The following ST3GAL2 variants were observed in gnomAD, a reference collection of about 807,000 sequenced individuals.
ST3GAL2 encodes ST3 beta-galactoside alpha-2,3-sialyltransferase 2.
In ST3GAL2, 16 loss-of-function variants were observed where a neutral mutation model predicts 37.5. That is an observed-to-expected ratio of 0.43 (90% CI 0.29 to 0.65). The LOEUF (loss-of-function observed/expected upper bound fraction) is 0.65, where lower values mean the gene tolerates loss of function less well. ST3GAL2 is among the 30% of genes least tolerant of loss of function. The pLI is 0.17. For synonymous variants in ST3GAL2, 238 were observed against 202.9 expected (o/e 1.17, Z -1.47); for missense variants, 383 against 487.8 (o/e 0.79, Z 2.02).
chr16:70,398,514 C>T lies in ST3GAL2; in HGVS notation c.17G>A (p.Arg6Gln), dbSNP rs1280352761. 9 of 1,606,700 alleles carry T rather than the reference C, an allele frequency of 5.6e-6. No homozygotes were observed. The highest frequency in any genetic ancestry group is 2.2e-5 in the East Asian group (1 of 44,628). Reference sequence around the variant, plus strand: ...GAAGGCCACGGAGAGGAACCACACCCGCAGGGAGCACTTCATGGTGCCGGC... The same window carrying T: ...GAAGGCCACGGAGAGGAACCACACCTGCAGGGAGCACTTCATGGTGCCGGC... MKCSL[R>Q]VWFLSVAFLL... Residue 6 changes from arginine to glutamine, a missense_variant, in exon 2 of 7, where the codon CGG becomes CAG. Transcript: ENST00000342907.
At chr16:70,438,632 C>A (rs931729118) in intron 1 of ST3GAL2, among the ~76,000 whole-genome samples, 8 of 145,234 alleles carry the variant, frequency 5.5e-5, no homozygotes, top group Non-Finnish European at 1.1e-4. Flanking sequence ...GGGACCAGGG[C>A]AGAGAGCTCT....
chr16:70,418,481 G>C (rs771151841), intron 1 of ST3GAL2, among the ~76,000 whole-genome samples: 24 of 152,170 alleles, frequency 1.6e-4, no homozygotes, highest in Non-Finnish European at 2.9e-4. Context: ...AGGCGGAGCT[G>C]GTGACAGGAA....
At chr16:70,433,166 C>G (rs1483748125) in intron 1 of ST3GAL2, among the ~76,000 whole-genome samples, 2 of 152,250 alleles carry the variant, frequency 1.3e-5, no homozygotes, top group Non-Finnish European at 2.9e-5. Context: ...CCCAGCCCAT[C>G]AGTGTCTGCT....
In ST3GAL2 at chr16:70,399,496, C is replaced by T; in HGVS notation, c.-966G>A. The stretch of plus-strand genomic sequence containing the variant: ...TCACAGTAATCCCCTGGCAGGTTCC[C>T]CTTCACATGTCGGGCGCCAGGCTGC... On this transcript the variant is annotated 5_prime_UTR_variant, in exon 2 of 7. Transcript: ENST00000342907. 2.5e-6 allele frequency: 1 copy of T among 398,570 alleles called. No individual in the cohort carries two copies. The highest frequency in any genetic ancestry group is 4.4e-6 in the Non-Finnish European group (1 of 226,172). The allele number at this position is 398,570 out of a possible 1,614,324, so 24.7% of individuals were successfully genotyped here.
Position 70,399,198 on chromosome 16 carries a change from C to CCCTT in ST3GAL2, c.-672_-669dup, listed in dbSNP as rs1173919468. On this transcript the variant is annotated 5_prime_UTR_variant, in exon 2 of 7. The change abolishes the stop of an existing upstream ORF in the 5' untranslated region. Transcript: ENST00000342907. The stretch of plus-strand genomic sequence containing the variant: ...GAGATCCTTTCCGCAGTAGGTCTTG[C>CCCTT]CCTTCTGCTTCCCATCTGAGGTGCT... The CCCTT allele has an allele frequency of 2.5e-6, 1 of 398,748 alleles. No homozygotes were observed. The highest frequency in any genetic ancestry group is 4.4e-6 in the Non-Finnish European group (1 of 226,256). The allele number at this position is 398,748 out of a possible 1,614,324, so 24.7% of individuals were successfully genotyped here.
chr16:70,423,188 A>T (rs994985890), intron 1 of ST3GAL2: 2 of 152,234 alleles, frequency 1.3e-5, no homozygotes, highest in African/African-American at 4.8e-5. Context: ...CCGGGCCATT[A>T]AGAGGAAGGG....
intron 3 of ST3GAL2, among the ~76,000 whole-genome samples, chr16:70,392,775 C>G (rs1360442539): frequency 6.6e-6 from 1 of 152,148 alleles, no homozygotes; most frequent in Non-Finnish European, 1.5e-5. Context: ...TGGAGTCACC[C>G]CCAGTGCCAT....
At chr16:70,438,001 A>C (rs1390525604) in intron 1 of ST3GAL2, among the ~76,000 whole-genome samples, 2 of 152,054 alleles carry the variant, frequency 1.3e-5, no homozygotes, top group Non-Finnish European at 2.9e-5. Flanking sequence ...TTTCTCCAAC[A>C]CCACCTTTGA....
intron 1 of ST3GAL2, among the ~76,000 whole-genome samples, chr16:70,419,599 G>A (rs916799468): frequency 6.6e-6 from 1 of 152,200 alleles, no homozygotes; most frequent in Non-Finnish European, 1.5e-5. Flanking sequence ...CTAAGCCCCT[G>A]AGAATGCTGT....
intron 1 of ST3GAL2, among the ~76,000 whole-genome samples, chr16:70,438,366 C>A (rs1481800961): frequency 6.6e-6 from 1 of 152,200 alleles, no homozygotes; most frequent in Non-Finnish European, 1.5e-5. Context: ...CTCCACGGGA[C>A]TGGCGCTTTG....
intron 1 of ST3GAL2, among the ~76,000 whole-genome samples, chr16:70,433,661 G>A (rs1249743017): frequency 1.3e-5 from 2 of 152,106 alleles, no homozygotes; most frequent in African/African-American, 2.4e-5. Context: ...TGGCAACAGC[G>A]GTTCCCTGAA....
intron 3 of ST3GAL2, among the ~76,000 whole-genome samples, chr16:70,389,907 C>A (rs945405038): frequency 1.1e-4 from 16 of 152,158 alleles, no homozygotes; most frequent in African/African-American, 3.6e-4. Flanking sequence ...CTGCCTCAGC[C>A]TCCCAAGTAG....
At chr16:70,410,319 C>T (rs370365564) in intron 1 of ST3GAL2, among the ~76,000 whole-genome samples, 2 of 122,698 alleles carry the variant, frequency 1.6e-5, no homozygotes, top group Admixed American at 1.0e-4. Flanking sequence ...GGCTTGATCT[C>T]GGCTCACTGC....
At chr16:70,394,376 T>C (rs1049152682) in intron 3 of ST3GAL2, among the ~76,000 whole-genome samples, 2 of 152,148 alleles carry the variant, frequency 1.3e-5, no homozygotes, top group African/African-American at 4.8e-5. Context: ...GGCCGGCTTC[T>C]GATGGGAATT....
chr16:70,435,215 C>CTGG, intron 1 of ST3GAL2, among the ~76,000 whole-genome samples: 1 of 152,176 alleles, frequency 6.6e-6, no homozygotes, highest in Non-Finnish European at 1.5e-5. Flanking sequence ...TCCTGGGCAA[C>CTGG]ATCAGAATGA....
intron 1 of ST3GAL2, among the ~76,000 whole-genome samples, chr16:70,410,792 A>T (rs2047632352): frequency 6.8e-6 from 1 of 148,100 alleles, no homozygotes. Flanking sequence ...AAAAATTAAA[A>T]GCCCATTTAG....
intron 1 of ST3GAL2, among the ~76,000 whole-genome samples, chr16:70,414,829 C>A (rs373778497): frequency 6.6e-6 from 1 of 151,624 alleles, no homozygotes; most frequent in Non-Finnish European, 1.5e-5. Context: ...CCTGCCACCA[C>A]GCCCAGATAA....
Position 70,399,117 on chromosome 16 carries a change from T to C in ST3GAL2, c.-587A>G. The C allele has an allele frequency of 2.5e-6, 1 of 400,016 alleles. No individual in the cohort carries two copies. Among genetic ancestry groups the C allele is most frequent in the Non-Finnish European group, 4.4e-6 (1 of 227,140 alleles). 24.8% of individuals were successfully genotyped at this position (400,016 alleles called of 1,614,324 possible). On this transcript the variant is annotated 5_prime_UTR_variant, in exon 2 of 7. Coordinates refer to ENST00000342907, the MANE Select transcript of ST3GAL2 (RefSeq NM_006927.4). ...GAGGAGGGGAGCCAGACCCCAACCC[T>C]GAGAGGACAAAAACAGGAAGCTCTG...
At chr16:70,426,981 G>A (rs564123062) in intron 1 of ST3GAL2, among the ~76,000 whole-genome samples, 108 of 152,130 alleles carry the variant, frequency 7.1e-4, no homozygotes, top group African/African-American at 2.2e-3. Flanking sequence ...CCGAGTAGCC[G>A]GGACCACAGG....
Sources: gnomAD v4.1 joint callset for allele counts (sites outside exome capture counted in the v4.1 genomes callset) on GRCh38, gnomAD v4.1.1 for gene constraint, MANE v1.5 for transcripts, NCBI Gene and HGNC (gene_info 2026-07-23, HGNC 2026-07-21) for gene names.